TRAPPC9: variants seen among roughly 807,000 people sequenced by gnomAD.
TRAPPC9 encodes the protein IKK2 binding protein.
TRAPPC9 carries 83 observed loss-of-function variants against 124.0 expected under a neutral mutation model. That is an observed-to-expected ratio of 0.67 (90% CI 0.56 to 0.80). The LOEUF (loss-of-function observed/expected upper bound fraction) is 0.80. Among genes scored for constraint, TRAPPC9 ranks in the 30% least tolerant of loss-of-function variants. The pLI is 0.00. For missense variants in TRAPPC9, 1,302 were observed against 1,508.3 expected, an observed-to-expected ratio of 0.86 and a Z score of 2.27; for synonymous variants, 638 against 617.5, an observed-to-expected ratio of 1.03 and a Z score of -0.49.
chr8:140,456,580 C>T (rs1361347501), intron 1 of TRAPPC9, among the ~76,000 whole-genome samples: 2 of 152,048 alleles, frequency 1.3e-5, no homozygotes, highest in African/African-American at 4.8e-5. Flanking sequence ...ACTACTAGTC[C>T]TCCACACAAT....
At chr8:139,768,040 A>G (rs1011769020) in intron 21 of TRAPPC9, among the ~76,000 whole-genome samples, 3 of 152,222 alleles carry the variant, frequency 2.0e-5, no homozygotes, top group African/African-American at 7.2e-5. Context: ...ATATGGCCAG[A>G]TTTATAATAT....
At chr8:140,389,208 C>G (rs1486114251) in intron 7 of TRAPPC9, among the ~76,000 whole-genome samples, 1 of 152,082 alleles carries the variant, frequency 6.6e-6, no homozygotes, top group Non-Finnish European at 1.5e-5. Flanking sequence ...CTGCCTGCCT[C>G]AGCCTCCCAA....
chr8:140,231,752 C>G (rs766620626), intron 16 of TRAPPC9, among the ~76,000 whole-genome samples: 3 of 150,506 alleles, frequency 2.0e-5, no homozygotes, highest in Non-Finnish European at 4.4e-5. Flanking sequence ...TGACTTTGCT[C>G]TTTTCTGCCA....
At chr8:140,345,055 C>T (rs1042719532) in intron 9 of TRAPPC9, among the ~76,000 whole-genome samples, 13 of 152,198 alleles carry the variant, frequency 8.5e-5, no homozygotes, top group African/African-American at 1.2e-4. Context: ...GAGAGGGAAG[C>T]GAAGGCAGGG....
rs1005718280 is a variant in TRAPPC9, at chr8:139,919,126, G to A, written c.2811-8826C>T. On this transcript the variant is annotated intron_variant, in intron 19 of 22. Coordinates refer to ENST00000438773, the MANE Select transcript of TRAPPC9 (RefSeq NM_001160372.4). ...GCTTTGGCGCCCGGGCTAGTGTCCCGGCTGCAGGGCTGCATTCGGGAAGGG... is the reference window on the plus strand; with the variant it reads ...GCTTTGGCGCCCGGGCTAGTGTCCCAGCTGCAGGGCTGCATTCGGGAAGGG... 6.6e-5 allele frequency among the ~76,000 whole-genome samples: 10 copies of A among 152,320 alleles called. No individual in the cohort carries two copies. The South Asian group carries it at 1.2e-3, about 19-fold the overall frequency.
intron 2 of TRAPPC9, among the ~76,000 whole-genome samples, chr8:140,442,625 A>C (rs575884537): frequency 6.6e-6 from 1 of 151,966 alleles, no homozygotes; most frequent in Admixed American, 6.6e-5. Context: ...GAAAATGCTT[A>C]ATATTTTTCT....
chr8:139,814,054 C>T (rs1159469751), intron 21 of TRAPPC9, among the ~76,000 whole-genome samples: 1 of 152,212 alleles, frequency 6.6e-6, no homozygotes, highest in Non-Finnish European at 1.5e-5. Flanking sequence ...TTTTCTCTCC[C>T]TGCATCTTCC....
At chr8:140,400,961 G>T (rs1433143869) in intron 6 of TRAPPC9, among the ~76,000 whole-genome samples, 1 of 152,082 alleles carries the variant, frequency 6.6e-6, no homozygotes, top group East Asian at 1.9e-4. Flanking sequence ...CAACTGGACT[G>T]ATTTTCAACT....
At chr8:139,926,161 G>C (rs1042476024) in intron 19 of TRAPPC9, among the ~76,000 whole-genome samples, 2 of 152,202 alleles carry the variant, frequency 1.3e-5, no homozygotes, top group Non-Finnish European at 2.9e-5. Flanking sequence ...AGTCACACTG[G>C]AGAGACCCAG....
rs564114489 is a variant in TRAPPC9 at position 139,847,028 on chromosome 8, C to T, written c.3055+38851G>A. Among the ~76,000 whole-genome samples the T allele has an allele frequency of 2.0e-5, 3 of 152,324 alleles. No individual in the cohort carries two copies. In the East Asian group the frequency reaches 5.8e-4, roughly 29 times the overall value. ...TGACTTATTAAGAGATGACTGTGTGCCGAGATCTGGGCTTGCAGCCATCCC... is the reference window on the plus strand; with the variant it reads ...TGACTTATTAAGAGATGACTGTGTGTCGAGATCTGGGCTTGCAGCCATCCC... On this transcript the variant is annotated intron_variant, in intron 21 of 22. Coordinates refer to ENST00000438773, the MANE Select transcript of TRAPPC9 (RefSeq NM_001160372.4).
chr8:140,195,410 TCG>T (rs2062625005), intron 17 of TRAPPC9, among the ~76,000 whole-genome samples: 2 of 151,868 alleles, frequency 1.3e-5, no homozygotes, highest in Non-Finnish European at 2.9e-5. Flanking sequence ...ATTGTACAGA[TCG>T]CATCTGTGAC....
intron 21 of TRAPPC9, among the ~76,000 whole-genome samples, chr8:139,794,483 T>A (rs537873417): frequency 6.6e-6 from 1 of 152,306 alleles, no homozygotes; most frequent in South Asian, 2.1e-4. Context: ...GCGGTTTCGT[T>A]AGGCAGGGAC....
intron 18 of TRAPPC9, among the ~76,000 whole-genome samples, chr8:140,003,464 T>G (rs1838535121): frequency 6.6e-6 from 1 of 151,890 alleles, no homozygotes; most frequent in Non-Finnish European, 1.5e-5. Context: ...TAACTGCATG[T>G]GGTGCCGTGC....
chr8:140,168,814 G>A (rs1243792259), intron 17 of TRAPPC9, among the ~76,000 whole-genome samples: 1 of 152,164 alleles, frequency 6.6e-6, no homozygotes, highest in South Asian at 2.1e-4. Context: ...TCCCCAAAAT[G>A]ATTTTTCTCC....
chr8:139,756,937 G>C (rs577153247), intron 21 of TRAPPC9, among the ~76,000 whole-genome samples: 47 of 138,616 alleles, frequency 3.4e-4, no homozygotes, highest in Non-Finnish European at 5.9e-4. Flanking sequence ...AGGAGCCAGG[G>C]TTGGGGTATA....
chr8:140,368,952 C>T (rs1342109654), intron 8 of TRAPPC9, among the ~76,000 whole-genome samples: 1 of 152,210 alleles, frequency 6.6e-6, no homozygotes, highest in Non-Finnish European at 1.5e-5. Context: ...CAAAGTATAG[C>T]TGCCATGCCA....
chr8:140,168,549 A>G (rs1177298230), intron 17 of TRAPPC9, among the ~76,000 whole-genome samples: 1 of 152,214 alleles, frequency 6.6e-6, no homozygotes, highest in Admixed American at 6.5e-5. Context: ...CTCAAGGCTC[A>G]TGGATGCTGA....
intron 21 of TRAPPC9, among the ~76,000 whole-genome samples, chr8:139,854,856 T>C (rs1827703895): frequency 6.6e-6 from 1 of 152,092 alleles, no homozygotes; most frequent in African/African-American, 2.4e-5. Context: ...CTGGTTTCCC[T>C]ACGACCTGCC....
intron 15 of TRAPPC9, among the ~76,000 whole-genome samples, chr8:140,272,088 T>C (rs372466495): frequency 2.0e-5 from 2 of 102,398 alleles, no homozygotes; most frequent in South Asian, 3.4e-4. Context: ...GGTGGTTGTG[T>C]TGATGATGAG....
Sources: gnomAD v4.1 joint callset for allele counts (sites outside exome capture counted in the v4.1 genomes callset) on GRCh38, gnomAD v4.1.1 for gene constraint, MANE v1.5 for transcripts, NCBI Gene and HGNC (gene_info 2026-07-23, HGNC 2026-07-21) for gene names.